Variants in SMPDL3B observed in about 807,000 individuals in gnomAD.
SMPDL3B encodes the protein sphingomyelin phosphodiesterase acid like 3B, also known as acid sphingomyelinase-like phosphodiesterase 3b.
Under a neutral mutation model 37.9 loss-of-function variants are expected in SMPDL3B, and 31 were observed. That is an observed-to-expected ratio of 0.82 (90% CI 0.61 to 1.10). The LOEUF is 1.10. Ranked by LOEUF, SMPDL3B falls within the 50% of genes least tolerant of loss-of-function variation. SMPDL3B has a pLI of 0.00. For synonymous variants in SMPDL3B, 235 were observed against 242.6 expected, an observed-to-expected ratio of 0.97 and a Z score of 0.29; for missense variants, 525 against 597.8, an observed-to-expected ratio of 0.88 and a Z score of 1.27.
intron 5 of SMPDL3B, among the ~76,000 whole-genome samples, chr1:27,955,333 A>G (rs979283085): frequency 1.3e-5 from 2 of 152,202 alleles, no homozygotes; most frequent in Non-Finnish European, 2.9e-5. Context: ...ATATCACACA[A>G]CCACGCAAGA....
At chr1:27,940,455 A>T (rs4908378) in intron 1 of SMPDL3B, among the ~76,000 whole-genome samples, 64,340 of 117,904 alleles carry the variant, frequency 0.55, 14,293 homozygotes, top group South Asian at 0.71. Flanking sequence ...AAATCATCTC[A>T]CATTTCTCAT....
Position 27,955,191 on chromosome 1 carries a change from C to A in SMPDL3B, c.691-493C>A, listed in dbSNP as rs1203009162. On this transcript the variant is annotated intron_variant, in intron 5 of 7. Coordinates refer to ENST00000373894, the MANE Select transcript of SMPDL3B (RefSeq NM_014474.4). ...TGATACACAGCTGGTGTCTAAGCTG[C>A]AGTCTGACTCCAAAACTCATACATT... Among the ~76,000 whole-genome samples, 3 of 152,182 alleles carry A rather than the reference C, an allele frequency of 2.0e-5. No homozygotes were observed. In the East Asian group the frequency reaches 5.8e-4, roughly 29 times the overall value.
chr1:27,956,907 G>A (rs1228027294), intron 7 of SMPDL3B, among the ~76,000 whole-genome samples: 2 of 152,068 alleles, frequency 1.3e-5, no homozygotes, highest in African/African-American at 4.8e-5. Context: ...TGAGTGTATT[G>A]AGGGAGGGAG....
At position 27,953,259 on chromosome 1, in the gene SMPDL3B, A is replaced by G; in HGVS notation, c.418A>G (p.Lys140Glu). Residue 140 changes from lysine to glutamate, a missense_variant, in exon 4 of 8, where the codon AAA (lysine) becomes GAA (glutamate). Lys to Glu is a moderately conservative substitution (Grantham distance 56). Coordinates refer to ENST00000373894, the MANE Select transcript of SMPDL3B (RefSeq NM_014474.4). ...AALGNHDFHP[K>E]NQFPAGSNNI... ...TTTGGGAAATCATGATTTTCACCCC[A>G]AAAACCAGTTCCCAGCTGGAAGTAA... 1.9e-6 allele frequency: 3 copies of G among 1,612,492 alleles called. No homozygotes were observed. The highest frequency in any genetic ancestry group is 2.5e-6 in the Non-Finnish European group (3 of 1,178,690).
chr1:27,955,913 C>T, intron 6 of SMPDL3B, 36 bp from the exon 7 acceptor site: 1 of 1,612,970 alleles, frequency 6.2e-7, no homozygotes, highest in South Asian at 1.1e-5. Flanking sequence ...CTTCTCTCCC[C>T]AGACCCGCTC....
At chr1:27,943,999 C>T (rs972333465) in intron 1 of SMPDL3B, among the ~76,000 whole-genome samples, 6 of 126,502 alleles carry the variant, frequency 4.7e-5, no homozygotes, top group South Asian at 2.7e-4. Context: ...GGGCACAGAG[C>T]GAAACTCTGT....
Position 27,954,464 on chromosome 1 carries a change from C to A in SMPDL3B, c.628C>A (p.Pro210Thr). The change falls in exon 5 of 8, where the codon CCT becomes ACT. Residue 210 changes from proline (P) to threonine (T), a missense_variant. Pro to Thr is a conservative substitution (Grantham distance 38). Transcript: ENST00000373894. ...SNALTADMAD[P>T]GQQFQWLEDV... ...TGCGCTGACAGCAGACATGGCGGAC[C>A]CTGGCCAGCAGTTCCAGTGGCTGGA... 2 of 1,614,088 alleles carry A rather than the reference C, an allele frequency of 1.2e-6. No individual in the cohort carries two copies. Among genetic ancestry groups the A allele is most frequent in the Non-Finnish European group, 1.7e-6 (2 of 1,180,032 alleles).
At chr1:27,939,514 G>A (rs2090338462) in intron 1 of SMPDL3B, among the ~76,000 whole-genome samples, 1 of 152,092 alleles carries the variant, frequency 6.6e-6, no homozygotes, top group Non-Finnish European at 1.5e-5. Flanking sequence ...AAAAGTAGCT[G>A]AGTGTGGTGG....
intron 7 of SMPDL3B, chr1:27,956,367 A>C: frequency 7.5e-7 from 1 of 1,325,814 alleles, no homozygotes; most frequent in Non-Finnish European, 1.0e-6. Flanking sequence ...GCTACACAAG[A>C]GAGAAGAAAC....
intron 3 of SMPDL3B, among the ~76,000 whole-genome samples, chr1:27,952,160 CAT>C (rs1448443820): frequency 7.4e-6 from 1 of 134,962 alleles, no homozygotes. Flanking sequence ...CCTCCCTTCT[CAT>C]AGGGATTTTT....
At chr1:27,954,625 T>C (rs2090483591) in intron 5 of SMPDL3B, 99 bp downstream of exon 5, 7 of 1,122,090 alleles carry the variant, frequency 6.2e-6, no homozygotes, top group Non-Finnish European at 9.2e-6. Flanking sequence ...GATGCCCATA[T>C]CCCAGAGGGT....
chr1:27,950,015 T>C (rs998870360), intron 3 of SMPDL3B, among the ~76,000 whole-genome samples: 2 of 152,282 alleles, frequency 1.3e-5, no homozygotes, highest in South Asian at 4.1e-4. Context: ...CCATAAGCCT[T>C]GGGGGAGGTG....
At chr1:27,950,611 G>A (rs2090447930) in intron 3 of SMPDL3B, among the ~76,000 whole-genome samples, 2 of 152,006 alleles carry the variant, frequency 1.3e-5, no homozygotes, top group Admixed American at 6.6e-5. Context: ...ACGCCACCAC[G>A]CCCTACTAAT....
At chr1:27,955,085 C>T (rs557588895) in intron 5 of SMPDL3B, among the ~76,000 whole-genome samples, 25 of 152,296 alleles carry the variant, frequency 1.6e-4, no homozygotes, top group South Asian at 2.1e-4. Flanking sequence ...ATGGAAACCC[C>T]GGCTCAGTAG....
At chr1:27,938,552 G>C (rs1398149167) in intron 1 of SMPDL3B, among the ~76,000 whole-genome samples, 1 of 152,140 alleles carries the variant, frequency 6.6e-6, no homozygotes, top group Non-Finnish European at 1.5e-5. Flanking sequence ...TAAATGTGAT[G>C]GCCTTAAGTG....
chr1:27,958,494 A>T lies in SMPDL3B; in HGVS notation c.1024A>T (p.Met342Leu), dbSNP rs993885828. ...TTTCCAGGACATGGTGACCTACTTC[A>T]TGAACCTGAGCCAGGCGAATGCTCA... Reference protein sequence around the residue: ...LSLKDMVTYFMNLSQANAQGT... With the variant: ...LSLKDMVTYFLNLSQANAQGT... The change falls in exon 8 of 8, where the codon ATG becomes TTG. Residue 342 changes from methionine to leucine, a missense_variant. Coordinates refer to ENST00000373894, the MANE Select transcript of SMPDL3B (RefSeq NM_014474.4). The surrounding 1 kb of genome is among the most constrained non-coding windows in gnomAD (Gnocchi z 5.6). 3.1e-6 allele frequency: 5 copies of T among 1,604,250 alleles called. No homozygotes were observed. The African/African-American group carries it at 6.7e-5, about 21-fold the overall frequency.
intron 6 of SMPDL3B, 21 bp downstream of exon 6, chr1:27,955,885 C>A: frequency 1.2e-6 from 2 of 1,611,698 alleles, no homozygotes; most frequent in Non-Finnish European, 1.7e-6. Flanking sequence ...TGGAGGGCAA[C>A]TGCCAGCTCC....
chr1:27,936,729 G>A (rs879493058), intron 1 of SMPDL3B: 6 of 152,198 alleles, frequency 3.9e-5, no homozygotes, highest in Admixed American at 3.9e-4. Flanking sequence ...AATTTAAAAG[G>A]AATTCCGGGC....
rs190357470 is a variant in SMPDL3B at position 27,949,790 on chromosome 1, C to G, written c.373+628C>G. Among the ~76,000 whole-genome samples the G allele has an allele frequency of 6.3e-3, 967 of 152,358 alleles. 6 individuals are homozygous for G. Among genetic ancestry groups the G allele is most frequent in the Non-Finnish European group, 9.9e-3 (672 of 68,040 alleles). On this transcript the variant is annotated intron_variant, in intron 3 of 7. Coordinates refer to ENST00000373894, the MANE Select transcript of SMPDL3B (RefSeq NM_014474.4). ...CTAAATCTGGCTGCCAGGCTGCCAA[C>G]TGGGCGCCTGAGAAAGCAGCCCATA... is the stretch of plus-strand genomic sequence containing the variant.
Sources: allele counts gnomAD v4.1 joint callset (sites outside exome capture counted in the v4.1 genomes callset), GRCh38; gene constraint gnomAD v4.1.1; non-coding constraint Gnocchi (gnomAD v3.1); transcripts MANE v1.5; gene names NCBI Gene and HGNC (gene_info 2026-07-23, HGNC 2026-07-21).